The following ANKRD26 variants were observed in gnomAD, a reference collection of about 807,000 sequenced individuals.
ANKRD26 encodes ankyrin repeat domain-containing protein 26.
In ANKRD26, 141 loss-of-function variants were observed where a neutral mutation model predicts 208.7. The observed-to-expected ratio is 0.68, with a 90% confidence interval of 0.59 to 0.78. The LOEUF (loss-of-function observed/expected upper bound fraction) is 0.78. Ranked by LOEUF, ANKRD26 falls within the 30% of genes least tolerant of loss-of-function variation. ANKRD26 has a pLI of 0.00. For synonymous variants in ANKRD26, 636 were observed against 660.4 expected (o/e 0.96, Z 0.57); for missense variants, 1,889 against 1,938.7 (o/e 0.97, Z 0.48).
Position 27,032,846 on chromosome 10 carries a change from G to C in ANKRD26, c.3807+379C>G, listed in dbSNP as rs1278509023. On this transcript the variant is annotated intron_variant, in intron 25 of 33. Transcript: ENST00000376087. Reference sequence around the variant, plus strand: ...AAAACAAATAAATAAAGAAGCAAGTGTATTATAAAGACAATAAAATTTAGA... The same window carrying C: ...AAAACAAATAAATAAAGAAGCAAGTCTATTATAAAGACAATAAAATTTAGA... Among the ~76,000 whole-genome samples, 11 of 150,030 alleles carry C rather than the reference G, an allele frequency of 7.3e-5. No homozygotes were observed. In the East Asian group the frequency reaches 2.0e-3, roughly 27 times the overall value.
chr10:27,034,614 AAT>A (rs746020985), intron 24 of ANKRD26, among the ~76,000 whole-genome samples, 180 bp downstream of exon 24: 1 of 152,200 alleles, frequency 6.6e-6, no homozygotes, highest in Non-Finnish European at 1.5e-5. Context: ...TAGATGATAC[AAT>A]ATCTTTACTC....
At chr10:27,098,117 CTTTTT>C (rs1023876678) in intron 1 of ANKRD26, among the ~76,000 whole-genome samples, 8 of 152,010 alleles carry the variant, frequency 5.3e-5, no homozygotes, top group African/African-American at 1.9e-4. Flanking sequence ...TTTACTTTTT[CTTTTT>C]TTATTTTTAT....
intron 12 of ANKRD26, chr10:27,062,231 T>C: frequency 2.1e-6 from 2 of 974,524 alleles, no homozygotes; most frequent in South Asian, 4.7e-5. Context: ...ATATCTACAA[T>C]TTCTATTTCT....
Position 27,092,408 on chromosome 10 carries a change from T to C in ANKRD26, c.636A>G (p.Glu212=). 1 of 1,604,882 alleles carries C rather than the reference T, an allele frequency of 6.2e-7. No individual in the cohort carries two copies. ...CAAAACAAAACCAGCTACTGTACCT[T>C]TCCAACTTATCTACTGCATTTACAT... ...KANVNAVDKL[E]SSHQLISEYK... is the part of the protein sequence containing the mutation. The change falls in exon 4 of 34, where the codon GAA becomes GAG. Residue 212 remains glutamate, a splice_region_variant and synonymous_variant. Transcript: ENST00000376087.
intron 15 of ANKRD26, among the ~76,000 whole-genome samples, chr10:27,055,882 T>C (rs781233675): frequency 1.8e-4 from 28 of 152,330 alleles, no homozygotes; most frequent in Admixed American, 3.3e-4. Flanking sequence ...CACTTGTGAA[T>C]TCAGAGCTGT....
At chr10:26,963,356 G>C in the ANKRD26 span, among the ~76,000 whole-genome samples, 1 of 152,152 alleles carries the variant, frequency 6.6e-6, no homozygotes, top group Admixed American at 6.5e-5. Flanking sequence ...TTGCCACACT[G>C]TACTAGAGCC....
At chr10:26,950,127 AC>A in the ANKRD26 span, among the ~76,000 whole-genome samples, 23 of 152,234 alleles carry the variant, frequency 1.5e-4, no homozygotes, top group East Asian at 4.1e-3. Flanking sequence ...TTGAATTATG[AC>A]CCCCATGTGT....
chr10:27,039,407 T>C (rs920173438), intron 21 of ANKRD26, among the ~76,000 whole-genome samples: 4 of 151,580 alleles, frequency 2.6e-5, no homozygotes, highest in Admixed American at 6.6e-5. Context: ...TGAGCCAAGA[T>C]TGCGCCACTG....
At chr10:27,042,746 C>G (rs1404469825) in intron 20 of ANKRD26, among the ~76,000 whole-genome samples, 1 of 146,822 alleles carries the variant, frequency 6.8e-6, no homozygotes, top group Non-Finnish European at 1.5e-5. Context: ...GAGCGAGACT[C>G]CATCTCAAAA....
At chr10:27,086,938 A>AT (rs1028252479) in intron 4 of ANKRD26, among the ~76,000 whole-genome samples, 2 of 151,696 alleles carry the variant, frequency 1.3e-5, no homozygotes, top group Non-Finnish European at 1.5e-5. Context: ...CGCTCAGCTA[A>AT]TTTTTTTGTA....
At chr10:27,096,846 A>T (rs1341989473) in intron 1 of ANKRD26, among the ~76,000 whole-genome samples, 3 of 152,040 alleles carry the variant, frequency 2.0e-5, no homozygotes, top group African/African-American at 7.2e-5. Flanking sequence ...TCAAAGATCA[A>T]GTCTATATTC....
the ANKRD26 span, among the ~76,000 whole-genome samples, chr10:26,961,925 A>G: frequency 1.3e-5 from 2 of 152,340 alleles, no homozygotes; most frequent in South Asian, 4.1e-4. Flanking sequence ...TATTAAAGTG[A>G]CAACAAAATA....
At chr10:27,028,216 G>A (rs1456368678) in intron 27 of ANKRD26, among the ~76,000 whole-genome samples, 3 of 152,086 alleles carry the variant, frequency 2.0e-5, no homozygotes, top group African/African-American at 7.2e-5. Flanking sequence ...TGTCACAAGT[G>A]GAAAATTCCA....
At chr10:27,096,298 G>GTAT (rs1346702933) in intron 1 of ANKRD26, among the ~76,000 whole-genome samples, 2 of 150,606 alleles carry the variant, frequency 1.3e-5, no homozygotes, top group Admixed American at 1.3e-4. Context: ...GCTACATTAT[G>GTAT]TATTACAATG....
At chr10:26,994,960 A>C (rs2052557295) in intron 5 of ANKRD26, 1 of 426,488 alleles carries the variant, frequency 2.3e-6, no homozygotes. Context: ...ACTGGCTTCA[A>C]TTACCTCTAA....
chr10:26,978,124 C>G (rs925698143), intron 5 of ANKRD26, among the ~76,000 whole-genome samples: 2 of 152,224 alleles, frequency 1.3e-5, no homozygotes, highest in African/African-American at 4.8e-5. Context: ...GCAATTAAAC[C>G]TAGAATAATT....
chr10:27,039,146 T>G (rs1164089398), intron 21 of ANKRD26, among the ~76,000 whole-genome samples: 2 of 152,122 alleles, frequency 1.3e-5, no homozygotes, highest in Non-Finnish European at 2.9e-5. Flanking sequence ...TCATGCATCT[T>G]AAGAGTAAAG....
At chr10:27,007,674 A>C (rs1355892992) in intron 32 of ANKRD26, among the ~76,000 whole-genome samples, 2 of 152,070 alleles carry the variant, frequency 1.3e-5, no homozygotes, top group Non-Finnish European at 2.9e-5. Context: ...AAACAAAAAA[A>C]CCACTTTCCA....
intron 5 of ANKRD26, 35 bp downstream of exon 5, chr10:27,086,504 T>C (rs1589366969): frequency 6.2e-7 from 1 of 1,600,766 alleles, no homozygotes. Context: ...TCCATGGTAC[T>C]ATTACCAAGA....
Sources: gnomAD v4.1 joint callset for allele counts (sites outside exome capture counted in the v4.1 genomes callset) on GRCh38, gnomAD v4.1.1 for gene constraint, MANE v1.5 for transcripts, NCBI Gene and HGNC (gene_info 2026-07-23, HGNC 2026-07-21) for gene names.